The following AKAP6 variants were observed in gnomAD, a reference collection of about 807,000 sequenced individuals.
The protein encoded by AKAP6 is A-kinase anchor protein 6.
In AKAP6, 58 loss-of-function variants were observed where a neutral mutation model predicts 188.5. The observed-to-expected ratio is 0.31, with a 90% CI of 0.25 to 0.38. The LOEUF is 0.38. Among genes scored for constraint, AKAP6 ranks in the 10% least tolerant of loss-of-function variants. AKAP6 has a pLI of 1.00. For missense variants in AKAP6, 2,710 were observed against 2,740.0 expected (o/e 0.99, Z 0.24); for synonymous variants, 989 against 998.6 (o/e 0.99, Z 0.18).
chr14:32,827,710 C>G (rs1320574707), intron 13 of AKAP6, among the ~76,000 whole-genome samples: 3 of 152,194 alleles, frequency 2.0e-5, no homozygotes, highest in Admixed American at 1.3e-4. Flanking sequence ...GGAGGAAGCA[C>G]ATAATGTATG....
chr14:32,712,220 A>G (rs1484649936), intron 9 of AKAP6, among the ~76,000 whole-genome samples: 3 of 152,144 alleles, frequency 2.0e-5, no homozygotes, highest in Admixed American at 2.0e-4. Flanking sequence ...TAAGTGTGCA[A>G]TAGCATTATG....
chr14:32,362,397 G>A (rs1354909682), intron 1 of AKAP6, among the ~76,000 whole-genome samples: 12 of 152,218 alleles, frequency 7.9e-5, no homozygotes, highest in Non-Finnish European at 1.5e-4. Flanking sequence ...TTAATACAAA[G>A]TAATGTGGGT....
chr14:32,526,141 T>G (rs186573340), intron 2 of AKAP6, among the ~76,000 whole-genome samples: 1 of 152,282 alleles, frequency 6.6e-6, no homozygotes, highest in African/African-American at 2.4e-5. Context: ...CATGGCTCAC[T>G]GTAGCCTTGA....
intron 2 of AKAP6, among the ~76,000 whole-genome samples, chr14:32,455,832 A>C (rs549545918): frequency 6.6e-6 from 1 of 152,220 alleles, no homozygotes; most frequent in Non-Finnish European, 1.5e-5. Flanking sequence ...CCTGCCCCCA[A>C]CCTACTTTGG....
At chr14:32,356,968 A>C (rs1005106596) in intron 1 of AKAP6, among the ~76,000 whole-genome samples, 1 of 152,068 alleles carries the variant, frequency 6.6e-6, no homozygotes, top group Admixed American at 6.6e-5. Context: ...GCCTCTAGTA[A>C]AATTCATATT....
At chr14:32,696,237 C>T (rs957832695) in intron 9 of AKAP6, 127 bp downstream of exon 9, 17 of 1,232,930 alleles carry the variant, frequency 1.4e-5, no homozygotes, top group Non-Finnish European at 1.8e-5. Context: ...GAATTCCCTT[C>T]CCTGTCCCCA....
At chr14:32,462,665 C>T (rs1201868442) in intron 2 of AKAP6, among the ~76,000 whole-genome samples, 1 of 152,008 alleles carries the variant, frequency 6.6e-6, no homozygotes, top group Non-Finnish European at 1.5e-5. Flanking sequence ...GAAACTGCAT[C>T]AACTAATATG....
intron 2 of AKAP6, among the ~76,000 whole-genome samples, chr14:32,441,794 A>G (rs1008998146): frequency 6.6e-6 from 1 of 152,232 alleles, no homozygotes; most frequent in Non-Finnish European, 1.5e-5. Context: ...TAGCAAAAGT[A>G]GCATGGAAAC....
At chr14:32,508,614 C>T (rs1880991099) in intron 2 of AKAP6, among the ~76,000 whole-genome samples, 1 of 152,094 alleles carries the variant, frequency 6.6e-6, no homozygotes, top group Admixed American at 6.6e-5. Context: ...GGATTGACCA[C>T]ATAAATGTTG....
chr14:32,582,490 G>T (rs1194021219), intron 5 of AKAP6, among the ~76,000 whole-genome samples: 1 of 151,894 alleles, frequency 6.6e-6, no homozygotes, highest in Non-Finnish European at 1.5e-5. Flanking sequence ...TGCTCTTCTC[G>T]AGGAGTATGT....
Position 32,773,906 on chromosome 14 carries a change from T to G in AKAP6, c.3588+13T>G. ...GGGAAAGGAATCTGTGAGTGATGCTTTTTTTAAGCATAATTGTCTGTCATT... is the reference window on the plus strand; with the variant it reads ...GGGAAAGGAATCTGTGAGTGATGCTGTTTTTAAGCATAATTGTCTGTCATT... On this transcript the variant is annotated intron_variant, in intron 12 of 13. Transcript: ENST00000280979. 1 of 1,609,602 alleles carries G rather than the reference T, an allele frequency of 6.2e-7. No homozygotes were observed. Among genetic ancestry groups the G allele is most frequent in the South Asian group, 1.1e-5 (1 of 90,942 alleles).
chr14:32,444,416 C>G (rs973558414), intron 2 of AKAP6, among the ~76,000 whole-genome samples: 1 of 152,064 alleles, frequency 6.6e-6, no homozygotes, highest in East Asian at 1.9e-4. Context: ...GTTGTTTTTT[C>G]TTTGTATAAA....
intron 7 of AKAP6, among the ~76,000 whole-genome samples, chr14:32,672,209 G>A (rs1889229367): frequency 6.6e-6 from 1 of 152,150 alleles, no homozygotes. Flanking sequence ...TTGAAAAGGA[G>A]TATCTCTAGT....
At chr14:32,469,848 A>G (rs1878675775) in intron 2 of AKAP6, among the ~76,000 whole-genome samples, 1 of 152,158 alleles carries the variant, frequency 6.6e-6, no homozygotes, top group Non-Finnish European at 1.5e-5. Flanking sequence ...AGTTACCTAA[A>G]GATCAGAACT....
At chr14:32,402,311 G>A (rs575536057) in intron 1 of AKAP6, among the ~76,000 whole-genome samples, 10 of 152,300 alleles carry the variant, frequency 6.6e-5, no homozygotes, top group African/African-American at 1.4e-4. Flanking sequence ...CTGATGTGGC[G>A]TGAGGCACAC....
intron 9 of AKAP6, among the ~76,000 whole-genome samples, chr14:32,713,915 G>C (rs927351843): frequency 6.6e-6 from 1 of 151,958 alleles, no homozygotes; most frequent in Admixed American, 6.6e-5. Context: ...TTGGCTAACT[G>C]GCACAAGAGG....
chr14:32,829,609 C>A (rs1212850942), intron 13 of AKAP6, among the ~76,000 whole-genome samples: 1 of 111,486 alleles, frequency 9.0e-6, no homozygotes, highest in Non-Finnish European at 1.8e-5. Flanking sequence ...TTTGAAACCA[C>A]GTCTTTTTAA....
intron 11 of AKAP6, among the ~76,000 whole-genome samples, chr14:32,768,424 A>C (rs1000049167): frequency 3.3e-5 from 5 of 152,226 alleles, no homozygotes; most frequent in Non-Finnish European, 5.9e-5. Flanking sequence ...AAAAAAGAGT[A>C]AAATCACCAA....
intron 12 of AKAP6, among the ~76,000 whole-genome samples, chr14:32,777,172 G>A (rs1351080542): frequency 1.3e-5 from 2 of 152,146 alleles, no homozygotes; most frequent in Non-Finnish European, 2.9e-5. Flanking sequence ...GACCTGAAAG[G>A]ATCAAACTGT....
Sources: allele counts gnomAD v4.1 joint callset (sites outside exome capture counted in the v4.1 genomes callset), GRCh38; gene constraint gnomAD v4.1.1; transcripts MANE v1.5; gene names NCBI Gene and HGNC (gene_info 2026-07-23, HGNC 2026-07-21).